The following ELMOD3 variants were observed in gnomAD, a reference collection of about 807,000 sequenced individuals.
ELMOD3 encodes ELMO domain containing 3, also known as ELMO domain-containing protein 3.
In ELMOD3, 36 loss-of-function variants were observed where a neutral mutation model predicts 47.4. The ratio of observed to expected loss-of-function variants is 0.76; its 90% CI spans 0.58 to 1.00. The LOEUF (loss-of-function observed/expected upper bound fraction) is 1.00, where lower values mean the gene tolerates loss of function less well. Among genes scored for constraint, ELMOD3 ranks in the 50% least tolerant of loss-of-function variants. The probability of loss-of-function intolerance (pLI) is 0.00; values close to 1 mark genes in which losing one functional copy is unlikely to be tolerated. For synonymous variants in ELMOD3, 149 were observed against 183.5 expected (o/e 0.81, Z 1.52); for missense variants, 404 against 463.8 (o/e 0.87, Z 1.18).
chr2:85,362,464 A>G (rs1404729361), intron 5 of ELMOD3, among the ~76,000 whole-genome samples: 1 of 145,824 alleles, frequency 6.9e-6, no homozygotes, highest in Non-Finnish European at 1.5e-5. Flanking sequence ...AATTGCCATA[A>G]TGAAGCAGGC....
chr2:85,368,536 A>G (rs1259611404), intron 6 of ELMOD3, 150 bp from the exon 7 acceptor site: 3 of 647,398 alleles, frequency 4.6e-6, no homozygotes, highest in Non-Finnish European at 8.1e-6. Context: ...GCCTGTGAAT[A>G]GCCACTGCAC....
intron 11 of ELMOD3, chr2:85,387,186 A>T: frequency 8.0e-7 from 1 of 1,253,406 alleles, no homozygotes; most frequent in South Asian, 1.4e-5. Context: ...GGTATACATG[A>T]AGGTCAGCAT....
intron 10 of ELMOD3, among the ~76,000 whole-genome samples, chr2:85,373,630 G>C (rs1684959650): frequency 6.6e-6 from 1 of 151,750 alleles, no homozygotes; most frequent in Non-Finnish European, 1.5e-5. Flanking sequence ...CACGAGGTCA[G>C]GAGTTCAAGA....
intron 6 of ELMOD3, among the ~76,000 whole-genome samples, chr2:85,365,492 A>G (rs1325447812): frequency 6.6e-6 from 1 of 152,230 alleles, no homozygotes; most frequent in Non-Finnish European, 1.5e-5. Context: ...AGGAAAAAAG[A>G]TAACCTAATT....
intron 13 of ELMOD3, chr2:85,390,491 T>G: frequency 6.2e-7 from 1 of 1,606,256 alleles, no homozygotes. Flanking sequence ...GACAAGCATA[T>G]ATTCTGATCA....
intron 10 of ELMOD3, among the ~76,000 whole-genome samples, chr2:85,373,673 T>C (rs1262482163): frequency 1.3e-5 from 2 of 151,910 alleles, no homozygotes; most frequent in Non-Finnish European, 2.9e-5. Context: ...ACCCTGTCTG[T>C]ACTAAAAATA....
At position 85,371,319 on chromosome 2, in the gene ELMOD3, C is replaced by T. The variant is rs184768722; in HGVS notation, c.484+110C>T. ...GGAATATTGCATGTACCATGGTTGG[C>T]GGGTGAGAGTGGGAGCTGAGAACTG... On this transcript the variant is annotated intron_variant, in intron 9 of 13. Coordinates refer to ENST00000409013, the MANE Select transcript of ELMOD3 (RefSeq NM_001135022.2). 167 of 1,595,344 alleles carry T rather than the reference C, an allele frequency of 1.0e-4. No homozygotes were observed. In the African/African-American group the frequency reaches 1.8e-3, roughly 18 times the overall value.
intron 11 of ELMOD3, among the ~76,000 whole-genome samples, chr2:85,380,446 C>G (rs1029114329): frequency 6.6e-6 from 1 of 152,230 alleles, no homozygotes; most frequent in African/African-American, 2.4e-5. Flanking sequence ...AGTTTTTCCT[C>G]TATTCTGATG....
At chr2:85,361,841 G>C (rs1209706390) in intron 4 of ELMOD3, among the ~76,000 whole-genome samples, 2 of 152,078 alleles carry the variant, frequency 1.3e-5, no homozygotes, top group African/African-American at 4.8e-5. Flanking sequence ...TGAGGCAGGA[G>C]AATGGCGTGA....
intron 10 of ELMOD3, among the ~76,000 whole-genome samples, chr2:85,374,889 C>A (rs1685063043): frequency 6.6e-6 from 1 of 151,980 alleles, no homozygotes; most frequent in East Asian, 1.9e-4. Flanking sequence ...GGCGGGTGGA[C>A]TACGAGGTCA....
In ELMOD3 at chr2:85,369,822, C is replaced by T. The variant is rs2104575970; in HGVS notation, c.352C>T (p.Pro118Ser). The T allele has an allele frequency of 6.2e-7, 1 of 1,614,076 alleles. No individual in the cohort carries two copies. Among genetic ancestry groups the T allele is most frequent in the Non-Finnish European group, 8.5e-7 (1 of 1,179,980 alleles). The part of the protein sequence containing the change: ...LQHFQTVDLS[P>S]FKKRIQPTIR... ...GCACTTCCAGACTGTGGACCTTTCC[C>T]CCTTCAAGGTATGAGGGTAGCAGGG... The change falls in exon 8 of 14, where the codon CCC (proline) becomes TCC (serine). Residue 118 changes from proline to serine, a missense_variant. Coordinates refer to ENST00000409013, the MANE Select transcript of ELMOD3 (RefSeq NM_001135022.2).
intron 6 of ELMOD3, among the ~76,000 whole-genome samples, chr2:85,367,301 GGTGT>G (rs1177685059): frequency 1.3e-5 from 2 of 152,210 alleles, no homozygotes; most frequent in East Asian, 3.8e-4. Flanking sequence ...AGGCGAGGAT[GGTGT>G]CAGAGCTAAC....
chr2:85,390,168 C>T lies in ELMOD3; in HGVS notation c.846C>T (p.Pro282=). 3 of 1,614,188 alleles carry T rather than the reference C, an allele frequency of 1.9e-6. No individual in the cohort carries two copies. Among genetic ancestry groups the T allele is most frequent in the Middle Eastern group, 1.6e-4 (1 of 6,062 alleles). ...RECNRQQKVI[P]VVNSFYAATF... ...GTAATCGGCAGCAGAAGGTCATCCC[C>T]GTGGTGAACAGCTTCTATGCCGCCA... The change falls in exon 13 of 14, where the codon CCC becomes CCT. Residue 282 remains proline, a synonymous_variant. Transcript: ENST00000409013.
Position 85,371,478 on chromosome 2 carries a change from C to G in ELMOD3, c.523C>G (p.Leu175Val). The G allele has an allele frequency of 6.2e-7, 1 of 1,614,220 alleles. No homozygotes were observed. The highest frequency in any genetic ancestry group is 8.5e-7 in the Non-Finnish European group (1 of 1,180,048). ...CCAAGACCCAGTGCATGGCCGAGTC[C>G]TCCAGACCATCTATAAGAAGCTGAC... ...DSQDPVHGRV[L>V]QTIYKKLTGS... Residue 175 changes from leucine (L) to valine (V), a missense_variant, in exon 10 of 14, where the codon CTC (leucine) becomes GTC (valine). Physicochemically the swap from Leu to Val is conservative, Grantham distance 32. Transcript: ENST00000409013.
chr2:85,357,544 C>T (rs1023147300), intron 4 of ELMOD3: 1 of 249,360 alleles, frequency 4.0e-6, no homozygotes, highest in Non-Finnish European at 7.7e-6. Flanking sequence ...CATTACCTTA[C>T]TAGCCTCTTC....
chr2:85,383,073 CAA>C (rs565248845), intron 11 of ELMOD3, among the ~76,000 whole-genome samples: 3 of 137,076 alleles, frequency 2.2e-5, no homozygotes, highest in Middle Eastern at 3.8e-3. Context: ...AGTAAAACTC[CAA>C]AAAAAAAAAA....
intron 6 of ELMOD3, chr2:85,367,719 G>T (rs1479847733): frequency 6.6e-6 from 1 of 152,050 alleles, no homozygotes; most frequent in African/African-American, 2.4e-5. Flanking sequence ...AAAAAGAAAA[G>T]AAAAATGCAT....
intron 5 of ELMOD3, among the ~76,000 whole-genome samples, chr2:85,362,716 C>T (rs947397688): frequency 1.2e-4 from 18 of 152,078 alleles, no homozygotes; most frequent in African/African-American, 3.9e-4. Flanking sequence ...GTCAGGAGTT[C>T]AAGACCAGCC....
At chr2:85,368,991 C>T (rs1478588734) in intron 7 of ELMOD3, among the ~76,000 whole-genome samples, 2 of 152,212 alleles carry the variant, frequency 1.3e-5, no homozygotes, top group East Asian at 3.8e-4. Flanking sequence ...CCCTGTCCAT[C>T]TTTCACCCAG....
Sources: allele counts gnomAD v4.1 joint callset (sites outside exome capture counted in the v4.1 genomes callset), GRCh38; gene constraint gnomAD v4.1.1; transcripts MANE v1.5; gene names NCBI Gene and HGNC (gene_info 2026-07-23, HGNC 2026-07-21).